TMEM108: variants seen among roughly 807,000 people sequenced by gnomAD.
TMEM108 encodes the protein cancer/testis antigen 124.
A neutral mutation model predicts 35.1 loss-of-function variants in TMEM108; 12 were observed. The observed-to-expected ratio is 0.34, with a 90% CI of 0.22 to 0.55. TMEM108 has a LOEUF of 0.55. Ranked by LOEUF, TMEM108 falls within the 20% of genes least tolerant of loss-of-function variation. TMEM108 has a pLI of 0.89. For synonymous variants in TMEM108, 287 were observed against 308.6 expected (o/e 0.93, Z 0.73); for missense variants, 680 against 753.3 (o/e 0.90, Z 1.14).
intron 2 of TMEM108, among the ~76,000 whole-genome samples, chr3:133,147,397 GTTCTT>G (rs1944736955): frequency 1.3e-5 from 2 of 152,056 alleles, no homozygotes; most frequent in Admixed American, 1.3e-4. Context: ...TCCAACATCT[GTTCTT>G]TTTTGACTTT....
intron 2 of TMEM108, among the ~76,000 whole-genome samples, chr3:133,067,750 A>C (rs1943628414): frequency 6.6e-6 from 1 of 152,178 alleles, no homozygotes; most frequent in Admixed American, 6.6e-5. Flanking sequence ...TATGAAGGGA[A>C]CATCAGGTGC....
At chr3:133,039,177 G>A (rs1943244250) in intron 1 of TMEM108, among the ~76,000 whole-genome samples, 1 of 152,194 alleles carries the variant, frequency 6.6e-6, no homozygotes, top group South Asian at 2.1e-4. Flanking sequence ...CAGCGTAACT[G>A]ATGACTGGTA....
intron 2 of TMEM108, among the ~76,000 whole-genome samples, chr3:133,218,917 C>T (rs1180005494): frequency 6.6e-6 from 1 of 151,980 alleles, no homozygotes; most frequent in Non-Finnish European, 1.5e-5. Context: ...TAATTATTCC[C>T]TCTTCTTAAG....
intron 2 of TMEM108, among the ~76,000 whole-genome samples, chr3:133,101,598 G>A (rs779622420): frequency 1.2e-4 from 19 of 152,144 alleles, no homozygotes; most frequent in African/African-American, 3.1e-4. Context: ...AGTAGAAGCC[G>A]TCTAATCTGA....
At chr3:133,211,843 T>C (rs1242268880) in intron 2 of TMEM108, among the ~76,000 whole-genome samples, 1 of 152,226 alleles carries the variant, frequency 6.6e-6, no homozygotes, top group African/African-American at 2.4e-5. Context: ...TTTGTAGGCT[T>C]TTCCTTAGCA....
chr3:133,041,676 C>G (rs1372418195), intron 1 of TMEM108: 2 of 152,064 alleles, frequency 1.3e-5, no homozygotes, highest in Non-Finnish European at 2.9e-5. Flanking sequence ...TGACAAGCAT[C>G]ATAGCATAGG....
intron 2 of TMEM108, among the ~76,000 whole-genome samples, chr3:133,123,351 A>G (rs1249481977): frequency 1.3e-5 from 2 of 152,216 alleles, no homozygotes; most frequent in Non-Finnish European, 2.9e-5. Flanking sequence ...GGATACATTC[A>G]AGGCAAGGGA....
At chr3:133,335,210 G>A (rs2071468844) in intron 3 of TMEM108, among the ~76,000 whole-genome samples, 2 of 152,114 alleles carry the variant, frequency 1.3e-5, no homozygotes, top group South Asian at 2.1e-4. Flanking sequence ...GTCCTCCGCT[G>A]GATGACAAAG....
intron 3 of TMEM108, among the ~76,000 whole-genome samples, chr3:133,283,531 T>G (rs760767944): frequency 1.3e-5 from 2 of 152,232 alleles, no homozygotes; most frequent in Non-Finnish European, 2.9e-5. Flanking sequence ...AAAGTGCTAT[T>G]TTTTCAGAAT....
chr3:133,104,038 T>A (rs990484451), intron 2 of TMEM108, among the ~76,000 whole-genome samples: 3 of 152,146 alleles, frequency 2.0e-5, no homozygotes, highest in African/African-American at 7.2e-5. Flanking sequence ...CTATAAATAA[T>A]ATCATTTCTG....
rs2072986809 is a variant in TMEM108 at position 133,380,732 on chromosome 3, G to C, written c.1021G>C (p.Gly341Arg). 6.2e-7 allele frequency: 1 copy of C among 1,614,060 alleles called. No individual in the cohort carries two copies. Among genetic ancestry groups the C allele is most frequent in the African/African-American group, 1.3e-5 (1 of 75,046 alleles). Residue 341 changes from glycine (G) to arginine (R), a missense_variant, in exon 4 of 6, where the codon GGC becomes CGC. Physicochemically the swap from Gly to Arg is moderately radical, Grantham distance 125. Coordinates refer to ENST00000321871, the MANE Select transcript of TMEM108 (RefSeq NM_023943.4). This position sits in a 1 kb window ranked among gnomAD's most constrained non-coding sequence, Gnocchi z 5.3. ...TGACTCTTGGCTTACTGTTACCCCT[G>C]GCACCAGCAGACCTCTGTCTACCAG... ...HSDSWLTVTP[G>R]TSRPLSTSSG...
intron 2 of TMEM108, among the ~76,000 whole-genome samples, chr3:133,196,009 T>G (rs1219033354): frequency 6.6e-6 from 1 of 152,244 alleles, no homozygotes; most frequent in Non-Finnish European, 1.5e-5. Context: ...GACAGTTCTT[T>G]CATTTGGAAT....
intron 3 of TMEM108, among the ~76,000 whole-genome samples, chr3:133,372,668 A>G (rs2072710191): frequency 6.6e-6 from 1 of 152,220 alleles, no homozygotes; most frequent in South Asian, 2.1e-4. Flanking sequence ...GGACCTCATC[A>G]GTCTAGCTGT....
intron 3 of TMEM108, among the ~76,000 whole-genome samples, chr3:133,249,712 G>A (rs1334362003): frequency 2.0e-5 from 3 of 152,074 alleles, no homozygotes; most frequent in African/African-American, 7.2e-5. Context: ...GTCCACTGTT[G>A]ATAGGTACCT....
At chr3:133,100,808 G>A (rs1398795597) in intron 2 of TMEM108, among the ~76,000 whole-genome samples, 1 of 152,042 alleles carries the variant, frequency 6.6e-6, no homozygotes, top group Non-Finnish European at 1.5e-5. Context: ...AGAAAATATT[G>A]TTAAGCACAG....
At chr3:133,057,479 A>ATCTATCTATATATATATATC (rs1559818486) in intron 2 of TMEM108, among the ~76,000 whole-genome samples, 1 of 73,144 alleles carries the variant, frequency 1.4e-5, no homozygotes, top group African/African-American at 5.0e-5. Flanking sequence ...ATATATATAT[A>ATCTATCTATATATATATATC]TATATATGTG....
In TMEM108 at chr3:133,145,761, CTGTT is replaced by C. The variant is rs556838267; in HGVS notation, c.-46-83501_-46-83498del. ...AAGAGTTCACTCATGATTTGGCTCT[CTGTT>C]TGTCTGTTATTGGTGTATAGGAATG... On this transcript the variant is annotated intron_variant, in intron 2 of 5. Transcript: ENST00000321871. 3.4e-3 allele frequency among the ~76,000 whole-genome samples: 510 copies of C among 152,182 alleles called. 1 individual carries two copies. Among genetic ancestry groups the C allele is most frequent in the African/African-American group, 0.011 (447 of 41,518 alleles).
chr3:133,253,165 G>C lies in TMEM108; in HGVS notation c.40+23814G>C, dbSNP rs368622878. ...CCCTCAAGTATACCAAGGGTTGACT[G>C]TACAGAGAAACCTATTACAGTTGTT... On this transcript the variant is annotated intron_variant, in intron 3 of 5. Coordinates refer to ENST00000321871, the MANE Select transcript of TMEM108 (RefSeq NM_023943.4). Among the ~76,000 whole-genome samples, 172 of 152,340 alleles carry C rather than the reference G, an allele frequency of 1.1e-3. 1 individual carries two copies. Among genetic ancestry groups the C allele is most frequent in the African/African-American group, 4.1e-3 (169 of 41,580 alleles).
intron 3 of TMEM108, among the ~76,000 whole-genome samples, chr3:133,326,198 T>C (rs1023962927): frequency 1.4e-4 from 22 of 152,318 alleles, no homozygotes; most frequent in East Asian, 5.8e-4. Context: ...TTCCATTAGA[T>C]TGGGGGCAAG....
Sources: gnomAD v4.1 joint callset for allele counts (sites outside exome capture counted in the v4.1 genomes callset) on GRCh38, gnomAD v4.1.1 for gene constraint, Gnocchi (gnomAD v3.1) non-coding constraint, MANE v1.5 for transcripts, NCBI Gene and HGNC (gene_info 2026-07-23, HGNC 2026-07-21) for gene names.